ARHGAP23: variants seen among roughly 807,000 people sequenced by gnomAD.
ARHGAP23 encodes Rho GTPase activating protein 23.
ARHGAP23 carries 34 observed loss-of-function variants against 136.3 expected under a neutral mutation model. The observed-to-expected ratio is 0.25, with a 90% CI of 0.19 to 0.33. The LOEUF (loss-of-function observed/expected upper bound fraction) is 0.33, where lower values mean the gene tolerates loss of function less well. Among genes scored for constraint, ARHGAP23 ranks in the 10% least tolerant of loss-of-function variants. The pLI, the probability that ARHGAP23 is intolerant of heterozygous loss-of-function variation, is 1.00. For synonymous variants in ARHGAP23, 832 were observed against 920.5 expected (o/e 0.90, Z 1.74); for missense variants, 1,808 against 2,139.0 (o/e 0.85, Z 3.05).
chr17:38,505,938 A>T (rs1352084776), intron 23 of ARHGAP23, among the ~76,000 whole-genome samples: 2 of 152,194 alleles, frequency 1.3e-5, no homozygotes, highest in Admixed American at 1.3e-4. Flanking sequence ...CCAAAAAAAG[A>T]AAAAAGGAAA....
chr17:38,471,675 T>G (rs2039761872), intron 10 of ARHGAP23, among the ~76,000 whole-genome samples, 188 bp from the exon 11 acceptor site: 1 of 152,240 alleles, frequency 6.6e-6, no homozygotes. Flanking sequence ...GCTTCTCCTT[T>G]ATGTACGTCT....
intron 1 of ARHGAP23, among the ~76,000 whole-genome samples, chr17:38,429,209 C>T (rs2144479214): frequency 6.6e-6 from 1 of 152,316 alleles, no homozygotes; most frequent in East Asian, 1.9e-4. Context: ...GGTCAGAGCG[C>T]GGGGTGCCAG....
rs190087390 is a variant in ARHGAP23, at chr17:38,449,015, C to T, written c.64-9087C>T. Among the ~76,000 whole-genome samples the T allele has an allele frequency of 4.3e-3, 656 of 152,216 alleles. 6 individuals carry two copies. Among genetic ancestry groups the T allele is most frequent in the Non-Finnish European group, 7.5e-3 (507 of 68,008 alleles). On this transcript the variant is annotated intron_variant, in intron 1 of 23. Coordinates refer to ENST00000622683, the MANE Select transcript of ARHGAP23 (RefSeq NM_001199417.2). ...TATATTTTTTGTAGAGACGGGGTTT[C>T]GCTGTGTTGCCCAGGCTGGTCTTGA...
At chr17:38,459,705 G>A (rs935925115) in intron 2 of ARHGAP23, among the ~76,000 whole-genome samples, 5 of 152,222 alleles carry the variant, frequency 3.3e-5, no homozygotes, top group Admixed American at 1.3e-4. Context: ...GGCTGGGAGG[G>A]GCCTTTGGCC....
chr17:38,450,778 T>G (rs545955018), intron 1 of ARHGAP23: 5 of 152,330 alleles, frequency 3.3e-5, no homozygotes, highest in African/African-American at 1.2e-4. Context: ...GGGTGTCAAA[T>G]GAGAACAAGT....
At chr17:38,472,999 C>T (rs9902911) in intron 11 of ARHGAP23, among the ~76,000 whole-genome samples, 12,878 of 152,120 alleles carry the variant, frequency 0.085, 904 homozygotes, top group East Asian at 0.36. Context: ...TGCAGTGGCG[C>T]GATCTCGGCT....
chr17:38,468,788 G>A (rs2039673975), intron 7 of ARHGAP23, among the ~76,000 whole-genome samples: 1 of 152,192 alleles, frequency 6.6e-6, no homozygotes, highest in East Asian at 1.9e-4. Context: ...GCCCTCAGGA[G>A]GCTCTTGGTC....
intron 7 of ARHGAP23, among the ~76,000 whole-genome samples, 176 bp from the exon 8 acceptor site, chr17:38,468,968 G>C (rs2039677768): frequency 1.3e-5 from 2 of 152,106 alleles, no homozygotes; most frequent in Non-Finnish European, 2.9e-5. Flanking sequence ...AGGATTCCAT[G>C]GCCACAGTCT....
chr17:38,457,186 A>T (rs1597782325), intron 1 of ARHGAP23, among the ~76,000 whole-genome samples: 1 of 152,222 alleles, frequency 6.6e-6, no homozygotes, highest in East Asian at 1.9e-4. Flanking sequence ...GGATTTTACC[A>T]TGTTGGCAAA....
rs537169155 is a variant in ARHGAP23, at chr17:38,495,665, G to A, written c.3277-2120G>A. 9.9e-5 allele frequency among the ~76,000 whole-genome samples: 15 copies of A among 152,150 alleles called. No individual in the cohort carries two copies. The South Asian group carries it at 1.4e-3, about 15-fold the overall frequency. ...AGCGATAATAACTGAGGCTCATGGC[G>A]TATGCTCAGGCAAGTCCCCTTGTTT... On this transcript the variant is annotated intron_variant, in intron 20 of 23. Transcript: ENST00000622683.
Position 38,437,679 on chromosome 17 carries a change from G to A in ARHGAP23, c.63+9131G>A, listed in dbSNP as rs568680280. ...TCAGAATCCTAGGTCTGTCATTGTG[G>A]TGACTGCTGTATTCTCTGACAACAA... On this transcript the variant is annotated intron_variant, in intron 1 of 23. Coordinates refer to ENST00000622683, the MANE Select transcript of ARHGAP23 (RefSeq NM_001199417.2). Among the ~76,000 whole-genome samples the A allele has an allele frequency of 2.0e-5, 3 of 151,656 alleles. No homozygotes were observed. The South Asian group carries it at 6.3e-4, about 32-fold the overall frequency.
intron 21 of ARHGAP23, 148 bp from the exon 22 acceptor site, chr17:38,498,266 C>T (rs535331216): frequency 1.2e-4 from 73 of 608,614 alleles, no homozygotes; most frequent in East Asian, 6.2e-4. Context: ...TCCTCAAGAG[C>T]GCCCGGCTGA....
At chr17:38,486,211 A>T in intron 17 of ARHGAP23, 71 bp downstream of exon 17, 1 of 1,339,490 alleles carries the variant, frequency 7.5e-7, no homozygotes, top group Non-Finnish European at 1.0e-6. Context: ...CTACTTTTGC[A>T]TTTGGTTTGT....
intron 1 of ARHGAP23, among the ~76,000 whole-genome samples, chr17:38,439,535 T>G (rs4794780): frequency 0.35 from 53,232 of 152,036 alleles, 9,370 homozygotes; most frequent in Middle Eastern, 0.54. Flanking sequence ...ATAATAACAA[T>G]GGGAGTATTG....
exon 1 of ARHGAP23, chr17:38,419,313 G>T: frequency 6.6e-6 from 1 of 152,342 alleles, no homozygotes; most frequent in South Asian, 1.9e-4. Context: ...CAGCTGCCCG[G>T]ACAGGGCGCA....
intron 1 of ARHGAP23, among the ~76,000 whole-genome samples, chr17:38,453,418 C>T (rs2039228595): frequency 3.0e-5 from 3 of 100,956 alleles, no homozygotes; most frequent in South Asian, 3.5e-4. Flanking sequence ...CGCGCGTATG[C>T]GTGCGTGTGT....
chr17:38,496,141 G>T (rs1359170708), intron 20 of ARHGAP23, among the ~76,000 whole-genome samples: 1 of 151,780 alleles, frequency 6.6e-6, no homozygotes, highest in Non-Finnish European at 1.5e-5. Flanking sequence ...CAGGTGATCC[G>T]CCCGCCTCAG....
intron 1 of ARHGAP23, among the ~76,000 whole-genome samples, chr17:38,455,210 T>C (rs892626214): frequency 2.0e-5 from 3 of 152,070 alleles, no homozygotes; most frequent in Non-Finnish European, 4.4e-5. Context: ...GCATGAAGGA[T>C]TGAGGTTAAA....
chr17:38,463,447 G>A, intron 6 of ARHGAP23, 65 bp downstream of exon 6: 1 of 1,533,126 alleles, frequency 6.5e-7, no homozygotes, highest in Non-Finnish European at 8.8e-7. Flanking sequence ...GGCTCCCCTG[G>A]GAGGCAGAGA....
Sources: gnomAD v4.1 joint callset for allele counts (sites outside exome capture counted in the v4.1 genomes callset) on GRCh38, gnomAD v4.1.1 for gene constraint, MANE v1.5 for transcripts, NCBI Gene and HGNC (gene_info 2026-07-23, HGNC 2026-07-21) for gene names.